PCNX1: variants seen among roughly 807,000 people sequenced by gnomAD.
PCNX1 encodes pecanex 1, also known as pecanex-like protein 1.
A neutral mutation model predicts 242.2 loss-of-function variants in PCNX1; 78 were observed. That is an observed-to-expected ratio of 0.32 (90% CI 0.27 to 0.39). The LOEUF (loss-of-function observed/expected upper bound fraction) is 0.39. Among genes scored for constraint, PCNX1 ranks in the 10% least tolerant of loss-of-function variants. PCNX1 has a pLI of 1.00. For missense variants in PCNX1, 2,581 were observed against 2,856.5 expected (o/e 0.90, Z 2.20); for synonymous variants, 1,024 against 1,032.9 (o/e 0.99, Z 0.17).
chr14:70,923,108 G>A (rs1029748918), intron 1 of PCNX1, among the ~76,000 whole-genome samples: 4 of 22,338 alleles, frequency 1.8e-4, no homozygotes, highest in South Asian at 2.3e-3. Flanking sequence ...ACACACACAC[G>A]TCTTTTTTCT....
chr14:70,969,074 A>C lies in PCNX1; in HGVS notation c.568A>C (p.Ser190Arg). The change falls in exon 5 of 36, where the codon AGT becomes CGT. Residue 190 changes from serine (S) to arginine (R), a missense_variant. Transcript: ENST00000304743. Reference protein sequence around the residue: ...SDDISLSLGQSSSLCKEGSEE... With the variant: ...SDDISLSLGQRSSLCKEGSEE... The stretch of plus-strand genomic sequence containing the variant: ...TGATATCAGTTTAAGTCTGGGCCAA[A>C]GTTCTAGTCTTTGTAAGGAAGGAAG... The C allele has an allele frequency of 6.2e-7, 1 of 1,610,460 alleles. No homozygotes were observed. Among genetic ancestry groups the C allele is most frequent in the Non-Finnish European group, 8.5e-7 (1 of 1,176,784 alleles).
At chr14:71,106,245 C>G (rs1297647538) in intron 33 of PCNX1, among the ~76,000 whole-genome samples, 2 of 151,970 alleles carry the variant, frequency 1.3e-5, no homozygotes, top group Non-Finnish European at 2.9e-5. Context: ...GTCTCGATCT[C>G]CTGACCTTGT....
intron 30 of PCNX1, among the ~76,000 whole-genome samples, chr14:71,101,460 T>G (rs553275121): frequency 2.6e-5 from 4 of 152,274 alleles, no homozygotes; most frequent in African/African-American, 9.6e-5. Context: ...CTTTACCAAC[T>G]TCTCTAGGAC....
At chr14:70,978,803 T>TTAG (rs2058754717) in intron 6 of PCNX1, among the ~76,000 whole-genome samples, 155 bp downstream of exon 6, 3 of 152,198 alleles carry the variant, frequency 2.0e-5, no homozygotes, top group Non-Finnish European at 4.4e-5. Context: ...GGTGATTATC[T>TTAG]TAGAAAAGGT....
rs374555140 is a variant in PCNX1 at position 71,110,715 on chromosome 14, T to C, written c.*780T>C. 5.2e-5 allele frequency: 8 copies of C among 152,514 alleles called. No individual in the cohort carries two copies. The highest frequency in any genetic ancestry group is 1.9e-4 in the East Asian group (1 of 5,202). The allele number at this position is 152,514 out of a possible 1,614,324, so 9.4% of individuals were successfully genotyped here. ...AAAGTGAATATAGAATCTCAAGATA[T>C]ACGTAGCTTCATCATTGACATTTCC... On this transcript the variant is annotated 3_prime_UTR_variant, in exon 36 of 36. Transcript: ENST00000304743.
chr14:71,003,137 G>A (rs1190480837), intron 8 of PCNX1, among the ~76,000 whole-genome samples: 1 of 135,352 alleles, frequency 7.4e-6, no homozygotes, highest in East Asian at 2.3e-4. Context: ...AGCCTGGAGT[G>A]CAGTGATGCA....
intron 2 of PCNX1, among the ~76,000 whole-genome samples, chr14:70,949,213 GTA>G (rs1380522793): frequency 7.8e-6 from 1 of 128,366 alleles, no homozygotes; most frequent in Non-Finnish European, 1.6e-5. Flanking sequence ...ATATACACAT[GTA>G]TATATAGATA....
rs1474925228 is a variant in PCNX1 at position 71,103,455 on chromosome 14, C to T, written c.5881C>T (p.Arg1961Cys). 3.1e-6 allele frequency: 5 copies of T among 1,614,072 alleles called. No individual in the cohort carries two copies. The highest frequency in any genetic ancestry group is 1.7e-5 in the Admixed American group (1 of 60,004). The change falls in exon 32 of 36, where the codon CGT becomes TGT. Residue 1961 changes from arginine to cysteine, a missense_variant. Physicochemically the swap from Arg to Cys is radical, Grantham distance 180 (BLOSUM62 -3). Coordinates refer to ENST00000304743, the MANE Select transcript of PCNX1 (RefSeq NM_014982.3). ...GCAACAGCAGGAGCTTGTTTTTCTACGTAACCGTAACCCAGAGAGAGGTAG... is the reference window on the plus strand; with the variant it reads ...GCAACAGCAGGAGCTTGTTTTTCTATGTAACCGTAACCCAGAGAGAGGTAG... Reference protein sequence around the residue: ...AGQQQELVFLRNRNPERGSIQ... With the variant: ...AGQQQELVFLCNRNPERGSIQ...
At chr14:70,966,684 A>G (rs994661323) in intron 3 of PCNX1, among the ~76,000 whole-genome samples, 1 of 152,234 alleles carries the variant, frequency 6.6e-6, no homozygotes, top group Admixed American at 6.5e-5. Flanking sequence ...GAAAGGGAAT[A>G]CTTTGAGCTT....
chr14:70,934,443 C>T lies in PCNX1; in HGVS notation c.154-12472C>T, dbSNP rs1753810473. On this transcript the variant is annotated intron_variant, in intron 1 of 35. Transcript: ENST00000304743. ...CATAATATAAAATTTATTATCTTAACCATTTAAAAAATTTTTGTTTCAGAG... is the reference window on the plus strand; with the variant it reads ...CATAATATAAAATTTATTATCTTAATCATTTAAAAAATTTTTGTTTCAGAG... 1.3e-5 allele frequency among the ~76,000 whole-genome samples: 2 copies of T among 152,058 alleles called. 1 individual carries two copies. Among genetic ancestry groups the T allele is most frequent in the South Asian group, 4.1e-4 (2 of 4,820 alleles).
chr14:70,968,427 A>G (rs1011239047), intron 4 of PCNX1, among the ~76,000 whole-genome samples, 184 bp downstream of exon 4: 15 of 152,208 alleles, frequency 9.9e-5, no homozygotes, highest in African/African-American at 3.6e-4. Context: ...CATCATCCAA[A>G]TTTCACAAAA....
At chr14:71,109,353 A>G in intron 34 of PCNX1, 99 bp from the exon 35 acceptor site, 2 of 1,104,820 alleles carry the variant, frequency 1.8e-6, no homozygotes, top group East Asian at 5.1e-5. Flanking sequence ...AGGAATTTAA[A>G]AAGTAATTCC....
At chr14:71,030,064 C>T (rs912593910) in intron 16 of PCNX1, among the ~76,000 whole-genome samples, 3 of 152,124 alleles carry the variant, frequency 2.0e-5, no homozygotes, top group East Asian at 1.9e-4. Context: ...TTTCCAAAGT[C>T]GTTGTGCTGG....
Position 71,047,084 on chromosome 14 carries a change from G to A in PCNX1, c.4139G>A (p.Ser1380Asn), listed in dbSNP as rs910066065. The A allele has an allele frequency of 1.9e-6, 3 of 1,606,100 alleles. No individual in the cohort carries two copies. Among genetic ancestry groups the A allele is most frequent in the African/African-American group, 2.7e-5 (2 of 74,700 alleles). ...ELSSSAETIASPKKLNTELGA... is the reference protein window; with the variant it reads ...ELSSSAETIANPKKLNTELGA... Reference sequence around the variant, plus strand: ...AGCAGCAGTGCAGAGACAATTGCTAGTCCAAAGAAACTGAATACAGAGTAA... The same window carrying A: ...AGCAGCAGTGCAGAGACAATTGCTAATCCAAAGAAACTGAATACAGAGTAA... Residue 1380 changes from serine to asparagine, a missense_variant, in exon 21 of 36, where the codon AGT becomes AAT. By Grantham distance (46) the Ser-to-Asn change is conservative. This residue lies in a region of PCNX1 where 432 missense variants were observed against 443.1 expected (regional missense o/e 0.97). Coordinates refer to ENST00000304743, the MANE Select transcript of PCNX1 (RefSeq NM_014982.3).
chr14:70,929,552 G>A (rs1204147487), intron 1 of PCNX1, among the ~76,000 whole-genome samples: 1 of 152,116 alleles, frequency 6.6e-6, no homozygotes, highest in African/African-American at 2.4e-5. Flanking sequence ...TTAATAATTT[G>A]CAAGTGTTGG....
chr14:70,909,032 T>C (rs902387378), intron 1 of PCNX1, among the ~76,000 whole-genome samples: 12 of 152,236 alleles, frequency 7.9e-5, no homozygotes, highest in African/African-American at 2.7e-4. Flanking sequence ...TTCCTTTGAA[T>C]GTATTTCTGC....
At chr14:71,065,328 G>T (rs190707697) in intron 26 of PCNX1, among the ~76,000 whole-genome samples, 1 of 152,252 alleles carries the variant, frequency 6.6e-6, no homozygotes, top group Non-Finnish European at 1.5e-5. Flanking sequence ...GCTTGAGATG[G>T]TATCTCATTG....
At chr14:70,932,607 A>ATTTATT (rs914376845) in intron 1 of PCNX1, among the ~76,000 whole-genome samples, 6 of 150,890 alleles carry the variant, frequency 4.0e-5, no homozygotes, top group Non-Finnish European at 8.9e-5. Flanking sequence ...TTATTTATTT[A>ATTTATT]TTTATTTTTA....
chr14:71,056,388 A>G (rs1437803409), intron 25 of PCNX1, among the ~76,000 whole-genome samples: 1 of 152,198 alleles, frequency 6.6e-6, no homozygotes, highest in African/African-American at 2.4e-5. Flanking sequence ...CATGCTGATG[A>G]TGCCATCCTG....
Sources: gnomAD v4.1 joint callset for allele counts (sites outside exome capture counted in the v4.1 genomes callset) on GRCh38, gnomAD v4.1.1 for gene constraint, gnomAD v4.1.1 regional missense constraint, MANE v1.5 for transcripts, NCBI Gene and HGNC (gene_info 2026-07-23, HGNC 2026-07-21) for gene names.